Variants in NPAS3 observed in about 807,000 individuals in gnomAD.
NPAS3 encodes neuronal PAS domain protein 3, also known as neuronal PAS domain-containing protein 3.
A neutral mutation model predicts 73.1 loss-of-function variants in NPAS3; 14 were observed. That is an observed-to-expected ratio of 0.19 (90% CI 0.13 to 0.30). NPAS3 has a LOEUF of 0.30. Ranked by LOEUF, NPAS3 falls within the 10% of genes least tolerant of loss-of-function variation. The pLI is 1.00. For missense variants in NPAS3, 1,096 were observed against 1,250.0 expected (o/e 0.88, Z 1.86); for synonymous variants, 620 against 541.5 (o/e 1.14, Z -2.01).
intron 1 of NPAS3, among the ~76,000 whole-genome samples, chr14:32,968,410 A>T (rs1459784936): frequency 6.6e-6 from 1 of 152,222 alleles, no homozygotes; most frequent in Non-Finnish European, 1.5e-5. Flanking sequence ...TACCTGTCAT[A>T]TAATGTAAAT....
chr14:33,001,902 C>T (rs2038822264), intron 1 of NPAS3, among the ~76,000 whole-genome samples: 1 of 152,224 alleles, frequency 6.6e-6, no homozygotes, highest in Non-Finnish European at 1.5e-5. Context: ...CTAGCCTCAC[C>T]TCCTTCCTAC....
intron 4 of NPAS3, among the ~76,000 whole-genome samples, chr14:33,500,160 C>T (rs1458392023): frequency 6.6e-6 from 1 of 151,996 alleles, no homozygotes; most frequent in Non-Finnish European, 1.5e-5. Context: ...CATATACAAC[C>T]AATCAAACCC....
chr14:33,233,329 G>A (rs1178498743), intron 3 of NPAS3, among the ~76,000 whole-genome samples: 1 of 152,104 alleles, frequency 6.6e-6, no homozygotes, highest in African/African-American at 2.4e-5. Context: ...AGCAAACTAA[G>A]TGGAAATTGA....
At chr14:33,317,973 G>A (rs765449031) in intron 3 of NPAS3, among the ~76,000 whole-genome samples, 3 of 151,944 alleles carry the variant, frequency 2.0e-5, no homozygotes, top group Admixed American at 6.6e-5. Flanking sequence ...ATCCATGATC[G>A]AGCAACTCCA....
At chr14:33,467,370 G>T (rs1371326887) in intron 4 of NPAS3, among the ~76,000 whole-genome samples, 1 of 152,196 alleles carries the variant, frequency 6.6e-6, no homozygotes. Context: ...CTCTTTGGGG[G>T]AAGTAGATGG....
intron 2 of NPAS3, among the ~76,000 whole-genome samples, chr14:33,182,651 T>C (rs1404909019): frequency 1.3e-5 from 2 of 152,180 alleles, no homozygotes. Context: ...TTTTTCACTC[T>C]AGGTTCCAAA....
intron 4 of NPAS3, among the ~76,000 whole-genome samples, chr14:33,506,480 A>G (rs2052768591): frequency 6.6e-6 from 1 of 152,032 alleles, no homozygotes; most frequent in Non-Finnish European, 1.5e-5. Flanking sequence ...TGTTGTTTTC[A>G]TTTTTTGTTT....
intron 4 of NPAS3, among the ~76,000 whole-genome samples, chr14:33,452,774 CA>C (rs61640170): frequency 2.4e-4 from 13 of 53,834 alleles, no homozygotes; most frequent in Non-Finnish European, 2.9e-4. Flanking sequence ...GACTCTGTCT[CA>C]AAAAAAAAAA....
intron 4 of NPAS3, among the ~76,000 whole-genome samples, chr14:33,457,963 G>T (rs1348688277): frequency 6.6e-6 from 1 of 152,150 alleles, no homozygotes; most frequent in Non-Finnish European, 1.5e-5. Flanking sequence ...TAAGACAGTG[G>T]AAACCGCGAC....
At chr14:33,098,179 G>A (rs2042478704) in intron 2 of NPAS3, among the ~76,000 whole-genome samples, 1 of 152,102 alleles carries the variant, frequency 6.6e-6, no homozygotes, top group Non-Finnish European at 1.5e-5. Flanking sequence ...GGGCTCTATG[G>A]ATATCTAAAT....
chr14:33,698,121 G>T (rs1485198250), intron 6 of NPAS3, among the ~76,000 whole-genome samples: 1 of 152,198 alleles, frequency 6.6e-6, no homozygotes, highest in Non-Finnish European at 1.5e-5. Context: ...TGCCCTCAAG[G>T]AGCAAGGGTT....
rs1039303285 is a variant in NPAS3, at chr14:33,525,134, A to C, written c.469-34987A>C. The stretch of plus-strand genomic sequence containing the variant: ...AATGTACTATTCATAATGTAGAAAA[A>C]TGTTCTAAAAAAGGGGATAAGTATC... On this transcript the variant is annotated intron_variant, in intron 4 of 11. Coordinates refer to ENST00000356141, the Ensembl canonical transcript of NPAS3. 2.0e-5 allele frequency among the ~76,000 whole-genome samples: 3 copies of C among 152,140 alleles called. No homozygotes were observed. In the East Asian group the frequency reaches 5.8e-4, roughly 29 times the overall value.
intron 3 of NPAS3, among the ~76,000 whole-genome samples, chr14:33,304,909 T>C (rs576300416): frequency 6.6e-6 from 1 of 152,164 alleles, no homozygotes; most frequent in Non-Finnish European, 1.5e-5. Context: ...GTCGCATTTG[T>C]AATAATCAGA....
intron 5 of NPAS3, among the ~76,000 whole-genome samples, chr14:33,622,646 C>G (rs1425243228): frequency 6.6e-6 from 1 of 152,160 alleles, no homozygotes; most frequent in African/African-American, 2.4e-5. Context: ...CTTAGTTATT[C>G]CCATCCAGAT....
chr14:33,270,900 C>T (rs1292866882), intron 3 of NPAS3, among the ~76,000 whole-genome samples: 1 of 152,168 alleles, frequency 6.6e-6, no homozygotes, highest in African/African-American at 2.4e-5. Flanking sequence ...ACCAAATACC[C>T]TCTAAGTATA....
chr14:33,541,096 GGTGTGTGTGTGT>G (rs140503260), intron 4 of NPAS3, among the ~76,000 whole-genome samples: 3 of 142,778 alleles, frequency 2.1e-5, no homozygotes, highest in Non-Finnish European at 4.5e-5. Context: ...TATGTTTAGA[GGTGTGTGTGTGT>G]GTGTGTGTGT....
intron 4 of NPAS3, among the ~76,000 whole-genome samples, chr14:33,398,277 A>G (rs1385493625): frequency 6.6e-6 from 1 of 152,144 alleles, no homozygotes; most frequent in East Asian, 1.9e-4. Flanking sequence ...AGCCCCAGTC[A>G]GAACCACACT....
At chr14:33,291,948 G>T (rs944751858) in intron 3 of NPAS3, among the ~76,000 whole-genome samples, 1 of 152,212 alleles carries the variant, frequency 6.6e-6, no homozygotes, top group South Asian at 2.1e-4. Context: ...GAGGCTTGGC[G>T]TAGGGCTGCA....
intron 3 of NPAS3, among the ~76,000 whole-genome samples, chr14:33,296,882 T>G (rs540148136): frequency 3.9e-5 from 6 of 152,312 alleles, no homozygotes; most frequent in African/African-American, 1.4e-4. Flanking sequence ...AGCTGATGAC[T>G]GTGGCTAACT....
Sources: gnomAD v4.1 joint callset for allele counts (sites outside exome capture counted in the v4.1 genomes callset) on GRCh38, gnomAD v4.1.1 for gene constraint, MANE v1.5 for transcripts, NCBI Gene and HGNC (gene_info 2026-07-23, HGNC 2026-07-21) for gene names.